Variants in RAB38 observed in about 807,000 individuals in gnomAD.
RAB38 encodes the protein RAB38, member RAS oncogene family, also known as ras-related protein Rab-38.
RAB38 carries 15 observed loss-of-function variants against 18.4 expected under a neutral mutation model. The ratio of observed to expected loss-of-function variants is 0.82; its 90% CI spans 0.55 to 1.26. The LOEUF (loss-of-function observed/expected upper bound fraction) is 1.26, where lower values mean the gene tolerates loss of function less well. Among genes scored for constraint, RAB38 ranks in the 50% most tolerant of loss-of-function variants. RAB38 has a pLI of 0.00. For synonymous variants in RAB38, 101 were observed against 104.4 expected, an observed-to-expected ratio of 0.97 and a Z score of 0.20; for missense variants, 294 against 267.4, an observed-to-expected ratio of 1.10 and a Z score of -0.69.
At chr11:87,900,762 G>C in the RAB38 span, among the ~76,000 whole-genome samples, 4 of 150,328 alleles carry the variant, frequency 2.7e-5, no homozygotes, top group African/African-American at 4.9e-5. Context: ...GGAAGATGGA[G>C]GGAGGGAGGA....
the RAB38 span, among the ~76,000 whole-genome samples, chr11:87,845,036 A>G: frequency 6.6e-6 from 1 of 152,224 alleles, no homozygotes; most frequent in African/African-American, 2.4e-5. Flanking sequence ...AAGAATAACA[A>G]TAATTTAGAG....
the RAB38 span, among the ~76,000 whole-genome samples, chr11:87,823,891 AATATC>A: frequency 6.6e-6 from 1 of 152,198 alleles, no homozygotes; most frequent in Non-Finnish European, 1.5e-5. Context: ...CATATTATAT[AATATC>A]ATAGAAAGCT....
At chr11:87,922,521 T>A in the RAB38 span, among the ~76,000 whole-genome samples, 1 of 151,876 alleles carries the variant, frequency 6.6e-6, no homozygotes, top group Non-Finnish European at 1.5e-5. Flanking sequence ...CATATTCATA[T>A]TTGACAAGTC....
the RAB38 span, among the ~76,000 whole-genome samples, chr11:87,870,313 A>G: frequency 1.3e-5 from 2 of 151,618 alleles, no homozygotes. Context: ...AGACACACGG[A>G]TATCATCCAC....
chr11:87,878,285 T>C, the RAB38 span, among the ~76,000 whole-genome samples: 9 of 142,616 alleles, frequency 6.3e-5, no homozygotes, highest in African/African-American at 1.9e-4. Context: ...TATCTATCTA[T>C]CTATCTATCT....
At chr11:87,962,299 A>G in the RAB38 span, among the ~76,000 whole-genome samples, 1 of 152,196 alleles carries the variant, frequency 6.6e-6, no homozygotes, top group African/African-American at 2.4e-5. Flanking sequence ...CCTCATCTGT[A>G]CAATGGATTT....
At chr11:88,174,017 G>T (rs1410433060) in intron 1 of RAB38, 2 of 985,272 alleles carry the variant, frequency 2.0e-6, no homozygotes, top group African/African-American at 3.5e-5. Flanking sequence ...GCTAGTTTGG[G>T]TCCAGCACTT....
the RAB38 span, among the ~76,000 whole-genome samples, chr11:87,890,270 A>C: frequency 6.6e-6 from 1 of 152,020 alleles, no homozygotes; most frequent in African/African-American, 2.4e-5. Flanking sequence ...GGGGAGATTA[A>C]GTATGTTGCC....
At chr11:88,129,359 G>A (rs1260047750) in intron 2 of RAB38, among the ~76,000 whole-genome samples, 2 of 152,166 alleles carry the variant, frequency 1.3e-5, no homozygotes, top group Non-Finnish European at 2.9e-5. Context: ...TTTAAGAAAT[G>A]GCTGGGCGTG....
chr11:87,893,555 T>G, the RAB38 span, among the ~76,000 whole-genome samples: 1 of 151,242 alleles, frequency 6.6e-6, no homozygotes, highest in African/African-American at 2.4e-5. Flanking sequence ...ATTTTAACTA[T>G]TTTTAAGCAT....
the RAB38 span, among the ~76,000 whole-genome samples, chr11:87,836,185 CT>C: frequency 6.6e-6 from 1 of 152,124 alleles, no homozygotes; most frequent in Admixed American, 6.5e-5. Context: ...AGTTGTCATG[CT>C]AAAGTCTTTA....
At chr11:87,977,934 T>C in the RAB38 span, among the ~76,000 whole-genome samples, 2 of 113,142 alleles carry the variant, frequency 1.8e-5, no homozygotes, top group African/African-American at 3.6e-5. Flanking sequence ...GTGACACCTT[T>C]ATATAATATA....
At chr11:88,123,616 G>C (rs1942656393) in intron 2 of RAB38, among the ~76,000 whole-genome samples, 1 of 152,280 alleles carries the variant, frequency 6.6e-6, no homozygotes, top group Admixed American at 6.5e-5. Context: ...GCAGACATAG[G>C]TTGAAGTCCT....
chr11:87,962,826 A>T, the RAB38 span, among the ~76,000 whole-genome samples: 8 of 152,224 alleles, frequency 5.3e-5, no homozygotes, highest in Non-Finnish European at 1.2e-4. Context: ...CCATAAAAAA[A>T]TAAGTATTTC....
At chr11:87,880,863 C>G in the RAB38 span, among the ~76,000 whole-genome samples, 1 of 151,832 alleles carries the variant, frequency 6.6e-6, no homozygotes, top group Non-Finnish European at 1.5e-5. Flanking sequence ...GTGACAAGGA[C>G]AAGCCCTTTA....
chr11:88,059,129 T>G, the RAB38 span, among the ~76,000 whole-genome samples: 2 of 151,878 alleles, frequency 1.3e-5, no homozygotes, highest in African/African-American at 4.8e-5. Flanking sequence ...GTCTGTAGAA[T>G]GTGGATAACA....
the RAB38 span, among the ~76,000 whole-genome samples, chr11:87,922,832 G>A: frequency 6.6e-6 from 1 of 151,374 alleles, no homozygotes; most frequent in Non-Finnish European, 1.5e-5. Context: ...GGAGGGAGGG[G>A]AGGAAAAGAC....
At chr11:88,052,183 A>C in the RAB38 span, among the ~76,000 whole-genome samples, 1 of 152,178 alleles carries the variant, frequency 6.6e-6, no homozygotes, top group Non-Finnish European at 1.5e-5. Flanking sequence ...AGTGAAATAG[A>C]GATGAATAGA....
At chr11:87,811,328 G>A in the RAB38 span, among the ~76,000 whole-genome samples, 90 of 152,340 alleles carry the variant, frequency 5.9e-4, no homozygotes, top group African/African-American at 2.0e-3. Context: ...CATCAAGAGA[G>A]TGTCTCTCCC....
Sources: allele counts gnomAD v4.1 joint callset (sites outside exome capture counted in the v4.1 genomes callset), GRCh38; gene constraint gnomAD v4.1.1; transcripts MANE v1.5; gene names NCBI Gene and HGNC (gene_info 2026-07-23, HGNC 2026-07-21).